Variants in IL17B observed in about 807,000 individuals in gnomAD.
IL17B encodes interleukin 17B.
In IL17B, 14 loss-of-function variants were observed where a neutral mutation model predicts 14.7. That is an observed-to-expected ratio of 0.95 (90% CI 0.63 to 1.49). The LOEUF (loss-of-function observed/expected upper bound fraction) is 1.49. Ranked by LOEUF, IL17B falls within the 40% of genes most tolerant of loss-of-function variation. The pLI is 0.00. For missense variants in IL17B, 233 were observed against 252.8 expected (o/e 0.92, Z 0.53); for synonymous variants, 105 against 94.8 (o/e 1.11, Z -0.62).
At chr5:149,396,342 T>G (rs576303692) in intron 1 of IL17B, among the ~76,000 whole-genome samples, 9 of 152,338 alleles carry the variant, frequency 5.9e-5, no homozygotes, top group African/African-American at 2.2e-4. Context: ...TGATCTTTTT[T>G]AAAAAAACAG....
At chr5:149,401,121 A>G (rs1363749551) in intron 1 of IL17B, among the ~76,000 whole-genome samples, 1 of 152,196 alleles carries the variant, frequency 6.6e-6, no homozygotes, top group Non-Finnish European at 1.5e-5. Flanking sequence ...ATGGCAGTAG[A>G]GGTAGCATCT....
intron 1 of IL17B, among the ~76,000 whole-genome samples, chr5:149,388,755 G>A (rs951557306): frequency 6.6e-6 from 1 of 152,226 alleles, no homozygotes; most frequent in Non-Finnish European, 1.5e-5. Flanking sequence ...ATCATGCAGA[G>A]ACATGGTGAT....
intron 1 of IL17B, 42 bp downstream of exon 1, chr5:149,379,163 T>C: frequency 3.1e-6 from 5 of 1,613,262 alleles, no homozygotes; most frequent in Non-Finnish European, 4.2e-6. Flanking sequence ...ATATTTGGGC[T>C]CTTAAAAAGG....
At chr5:149,377,797 G>T (rs1445600125) in intron 1 of IL17B, among the ~76,000 whole-genome samples, 1 of 151,562 alleles carries the variant, frequency 6.6e-6, no homozygotes, top group African/African-American at 2.4e-5. Context: ...AGTCTTGCAG[G>T]TGTGGGAGGG....
chr5:149,389,894 A>G (rs1758903012), intron 1 of IL17B, among the ~76,000 whole-genome samples: 1 of 152,226 alleles, frequency 6.6e-6, no homozygotes, highest in African/African-American at 2.4e-5. Flanking sequence ...GCTTGGAGTC[A>G]GCCTGCAGCC....
At chr5:149,390,091 G>A (rs1758906772) in intron 1 of IL17B, among the ~76,000 whole-genome samples, 1 of 152,122 alleles carries the variant, frequency 6.6e-6, no homozygotes, top group East Asian at 1.9e-4. Flanking sequence ...CGTCTCTGGT[G>A]CCATAACCCT....
chr5:149,376,704 C>T (rs778274262), intron 2 of IL17B, 32 bp downstream of exon 2: 1 of 1,572,470 alleles, frequency 6.4e-7, no homozygotes, highest in Non-Finnish European at 8.6e-7. Flanking sequence ...CCCCACCCCC[C>T]AAAGACAGCT....
upstream of IL17B, chr5:149,379,351 A>C (rs1406848600): frequency 1.2e-5 from 14 of 1,136,448 alleles, no homozygotes; most frequent in Admixed American, 2.6e-4. Context: ...TGGGGGAGTG[A>C]GTGGGTGGGC....
chr5:149,390,971 T>TTTGTG (rs1758938844), intron 1 of IL17B, among the ~76,000 whole-genome samples: 1 of 152,026 alleles, frequency 6.6e-6, no homozygotes, highest in African/African-American at 2.4e-5. Flanking sequence ...GAGTTTTTCC[T>TTTGTG]TTGTGTTTTG....
upstream of IL17B, among the ~76,000 whole-genome samples, chr5:149,382,278 G>C (rs28617694): frequency 9.8e-3 from 1,492 of 152,228 alleles, 22 homozygotes; most frequent in African/African-American, 0.034. Context: ...AATGACACAG[G>C]CGGTGTCGGG....
At chr5:149,391,070 A>G (rs1758941587) in intron 1 of IL17B, among the ~76,000 whole-genome samples, 1 of 152,080 alleles carries the variant, frequency 6.6e-6, no homozygotes, top group Middle Eastern at 3.2e-3. Context: ...TCCCAGGTTC[A>G]AGCCTCCCAC....
upstream of IL17B, among the ~76,000 whole-genome samples, chr5:149,382,990 G>A (rs1206255313): frequency 1.3e-5 from 2 of 152,238 alleles, no homozygotes; most frequent in Non-Finnish European, 2.9e-5. Flanking sequence ...AAGTGCAGCC[G>A]GGAGGGCAGA....
At chr5:149,383,568 G>A (rs1377580864), upstream of IL17B, among the ~76,000 whole-genome samples, 3 of 152,150 alleles carry the variant, frequency 2.0e-5, no homozygotes, top group South Asian at 6.2e-4. Context: ...TCCCTCCCTG[G>A]TAGGAGTCCT....
At chr5:149,390,243 A>C (rs1758913061) in intron 1 of IL17B, among the ~76,000 whole-genome samples, 1 of 141,344 alleles carries the variant, frequency 7.1e-6, no homozygotes, top group African/African-American at 2.5e-5. Flanking sequence ...TCCCTGGGGA[A>C]AGATGGGTCA....
upstream of IL17B, among the ~76,000 whole-genome samples, chr5:149,379,486 A>G (rs748102998): frequency 6.6e-6 from 1 of 152,188 alleles, no homozygotes; most frequent in Non-Finnish European, 1.5e-5. Flanking sequence ...CCGAGGGACA[A>G]TGCCCTGTGT....
chr5:149,394,390 A>T (rs1759050163), intron 1 of IL17B, among the ~76,000 whole-genome samples: 1 of 152,226 alleles, frequency 6.6e-6, no homozygotes, highest in Non-Finnish European at 1.5e-5. Flanking sequence ...AAGAACCGAG[A>T]TCTTGAGAAA....
chr5:149,392,784 TTCTC>T (rs562487258), intron 1 of IL17B, among the ~76,000 whole-genome samples: 12 of 152,342 alleles, frequency 7.9e-5, no homozygotes, highest in African/African-American at 2.9e-4. Flanking sequence ...GATCATTTCA[TTCTC>T]TCTCTTTCTC....
intron 2 of IL17B, among the ~76,000 whole-genome samples, chr5:149,376,237 T>A (rs1341758795): frequency 6.6e-6 from 1 of 152,212 alleles, no homozygotes; most frequent in Non-Finnish European, 1.5e-5. Context: ...TGCGCCCTGA[T>A]CACGTGGAGC....
At chr5:149,383,915 G>A (rs1399817807), upstream of IL17B, among the ~76,000 whole-genome samples, 1 of 152,202 alleles carries the variant, frequency 6.6e-6, no homozygotes. Flanking sequence ...CTTCTGCAGA[G>A]CATCCAGACT....
Sources: allele counts gnomAD v4.1 joint callset (sites outside exome capture counted in the v4.1 genomes callset), GRCh38; gene constraint gnomAD v4.1.1; transcripts MANE v1.5; gene names NCBI Gene and HGNC (gene_info 2026-07-23, HGNC 2026-07-21).